PCDHAC1: variants seen among roughly 807,000 people sequenced by gnomAD.
PCDHAC1 encodes the protein protocadherin alpha subfamily C, 1.
Under a neutral mutation model 60.0 loss-of-function variants are expected in PCDHAC1, and 42 were observed. The observed-to-expected ratio is 0.70, with a 90% confidence interval of 0.55 to 0.90. The LOEUF (loss-of-function observed/expected upper bound fraction) is 0.90, where lower values mean the gene tolerates loss of function less well. PCDHAC1 is among the 40% of genes least tolerant of loss of function. PCDHAC1 has a pLI of 0.00. For synonymous variants in PCDHAC1, 468 were observed against 499.3 expected (o/e 0.94, Z 0.84); for missense variants, 1,160 against 1,222.3 (o/e 0.95, Z 0.76).
chr5:140,976,414 G>A (rs1242756697), intron 1 of PCDHAC1, among the ~76,000 whole-genome samples: 2 of 151,998 alleles, frequency 1.3e-5, no homozygotes, highest in African/African-American at 2.4e-5. Context: ...AGCCAGGTAC[G>A]GTGGCAGATG....
At chr5:141,003,988 C>T (rs1554259401) in intron 3 of PCDHAC1, among the ~76,000 whole-genome samples, 1 of 152,120 alleles carries the variant, frequency 6.6e-6, no homozygotes, top group African/African-American at 2.4e-5. Context: ...TGCCGGAGAT[C>T]CTAGAAGGGA....
chr5:140,983,768 T>G (rs1236827804), intron 3 of PCDHAC1, among the ~76,000 whole-genome samples: 2 of 152,196 alleles, frequency 1.3e-5, no homozygotes, highest in African/African-American at 4.8e-5. Context: ...CAAATACATA[T>G]CTACATACAT....
chr5:140,950,556 A>G (rs2094497175), intron 1 of PCDHAC1, among the ~76,000 whole-genome samples: 2 of 152,036 alleles, frequency 1.3e-5, no homozygotes, highest in Non-Finnish European at 2.9e-5. Context: ...CTGGGGGGAC[A>G]CTTATTTTAA....
intron 1 of PCDHAC1, among the ~76,000 whole-genome samples, chr5:140,945,017 T>C (rs1563211481): frequency 6.6e-6 from 1 of 152,172 alleles, no homozygotes; most frequent in Non-Finnish European, 1.5e-5. Context: ...AATTATTTTT[T>C]ACTCAGACAT....
intron 1 of PCDHAC1, among the ~76,000 whole-genome samples, chr5:140,966,033 G>C (rs772770928): frequency 6.6e-6 from 1 of 152,138 alleles, no homozygotes; most frequent in African/African-American, 2.4e-5. Context: ...CAGGTGAATA[G>C]TTCCCATCGC....
rs1181664726 is a variant in PCDHAC1 at position 140,982,480 on chromosome 5, T to C, written c.2498T>C (p.Val833Ala). ...GGGTCTGTGTGTTTATTCAGCTCTG[T>C]GCACCTAGAGGAGGCTGGCATTCTA... ...ASLRAGMHSS[V>A]HLEEAGILRA... is the part of the protein sequence containing the mutation. The change falls in exon 3 of 4, where the codon GTG (valine) becomes GCG (alanine). Residue 833 changes from valine (V) to alanine (A), a missense_variant. Coordinates refer to ENST00000253807, the MANE Select transcript of PCDHAC1 (RefSeq NM_018898.5). 5.0e-6 allele frequency: 8 copies of C among 1,614,216 alleles called. No individual in the cohort carries two copies. Among genetic ancestry groups the C allele is most frequent in the Non-Finnish European group, 6.8e-6 (8 of 1,180,038 alleles).
chr5:140,948,547 A>G (rs1054072354), intron 1 of PCDHAC1, among the ~76,000 whole-genome samples: 9 of 151,490 alleles, frequency 5.9e-5, no homozygotes, highest in Admixed American at 5.9e-4. Flanking sequence ...ATGCTCTGTC[A>G]ATTTTGTTAA....
At chr5:140,953,948 C>A (rs1012464637) in intron 1 of PCDHAC1, among the ~76,000 whole-genome samples, 2 of 152,092 alleles carry the variant, frequency 1.3e-5, no homozygotes, top group Non-Finnish European at 2.9e-5. Context: ...CATTGCTCCC[C>A]CAACAGGCCC....
chr5:141,005,142 T>C (rs1554259898), intron 3 of PCDHAC1, among the ~76,000 whole-genome samples: 1 of 152,234 alleles, frequency 6.6e-6, no homozygotes, highest in African/African-American at 2.4e-5. Flanking sequence ...ATTGGAGAGT[T>C]GTTTGGTCTG....
intron 1 of PCDHAC1, among the ~76,000 whole-genome samples, chr5:140,935,339 A>G (rs1048024159): frequency 1.3e-5 from 2 of 152,180 alleles, no homozygotes; most frequent in Admixed American, 6.5e-5. Context: ...TTTCTCCCAT[A>G]CGTCAAATCC....
intron 1 of PCDHAC1, among the ~76,000 whole-genome samples, chr5:140,958,077 A>C (rs2095408004): frequency 1.3e-5 from 2 of 152,124 alleles, no homozygotes; most frequent in African/African-American, 4.8e-5. Context: ...AGAAGCAAAA[A>C]GTAAAGTTGT....
rs1210767626 is a variant in PCDHAC1 at position 141,010,197 on chromosome 5, C to T, written c.*260C>T. 1 of 1,552,200 alleles carries T rather than the reference C, an allele frequency of 6.4e-7. No homozygotes were observed. The highest frequency in any genetic ancestry group is 1.2e-5 in the South Asian group (1 of 84,134). On this transcript the variant is annotated 3_prime_UTR_variant, in exon 4 of 4. Coordinates refer to ENST00000253807, the MANE Select transcript of PCDHAC1 (RefSeq NM_018898.5). ...AAAAGCAGACCCAAGTTTCCTTTCT[C>T]CTCCGCCGCAAAGGAGAGGCTTCCC...
rs1019397100 is a variant in PCDHAC1, at chr5:140,953,409, G to A, written c.2433+24084G>A. On this transcript the variant is annotated intron_variant, in intron 1 of 3. Transcript: ENST00000253807. ...TGTGGATTACAGTGCTGTTGCTCCTGGCTCCTCCCCTTTGTCCTTAAGCTG... is the reference window on the plus strand; with the variant it reads ...TGTGGATTACAGTGCTGTTGCTCCTAGCTCCTCCCCTTTGTCCTTAAGCTG... Among the ~76,000 whole-genome samples, 14 of 152,194 alleles carry A rather than the reference G, an allele frequency of 9.2e-5. No individual in the cohort carries two copies. The South Asian group carries it at 2.9e-3, about 32-fold the overall frequency.
At chr5:140,951,822 C>T (rs926525028) in intron 1 of PCDHAC1, among the ~76,000 whole-genome samples, 11 of 152,152 alleles carry the variant, frequency 7.2e-5, no homozygotes, top group African/African-American at 2.7e-4. Flanking sequence ...AAAGTCTGAA[C>T]TCATTCCAGC....
Position 140,927,340 on chromosome 5 carries a change from G to C in PCDHAC1, c.448G>C (p.Asp150His). ...CCGCTTTACTCTCCCGAATGCCCAA[G>C]ATGACGACGAGGGAAGCAATGGGAT... ...GARFTLPNAQ[D>H]DDEGSNGILS... Residue 150 changes from aspartate to histidine, a missense_variant, in exon 1 of 4, where the codon GAT becomes CAT. Physicochemically the swap from Asp to His is moderately conservative, Grantham distance 81. Coordinates refer to ENST00000253807, the MANE Select transcript of PCDHAC1 (RefSeq NM_018898.5). 1 of 1,614,030 alleles carries C rather than the reference G, an allele frequency of 6.2e-7. No homozygotes were observed. The highest frequency in any genetic ancestry group is 8.5e-7 in the Non-Finnish European group (1 of 1,179,874).
chr5:140,966,578 G>A, intron 1 of PCDHAC1: 1 of 527,316 alleles, frequency 1.9e-6, no homozygotes, highest in Non-Finnish European at 3.1e-6. Context: ...GGGAGTCAGC[G>A]AGGACGGTGG....
chr5:141,007,158 A>C (rs1231758700), intron 3 of PCDHAC1, among the ~76,000 whole-genome samples: 1 of 152,198 alleles, frequency 6.6e-6, no homozygotes, highest in African/African-American at 2.4e-5. Context: ...CTGTCAAAGA[A>C]CAGTCAGAGA....
chr5:140,992,470 G>T (rs1027762445), intron 3 of PCDHAC1, among the ~76,000 whole-genome samples: 2 of 152,192 alleles, frequency 1.3e-5, no homozygotes, highest in African/African-American at 4.8e-5. Context: ...GTACTCTTTA[G>T]ATCACCCAGA....
chr5:140,978,778 T>C, intron 1 of PCDHAC1, 171 bp from the exon 2 acceptor site: 1 of 968,888 alleles, frequency 1.0e-6, no homozygotes, highest in Non-Finnish European at 1.2e-6. Context: ...CTAATTTTCT[T>C]CTAAAGTGCT....
Sources: gnomAD v4.1 joint callset for allele counts (sites outside exome capture counted in the v4.1 genomes callset) on GRCh38, gnomAD v4.1.1 for gene constraint, MANE v1.5 for transcripts, NCBI Gene and HGNC (gene_info 2026-07-23, HGNC 2026-07-21) for gene names.